The following SPEM1 variants were observed in gnomAD, a reference collection of about 807,000 sequenced individuals.
The protein encoded by SPEM1 is spermatid maturation 1.
In SPEM1, 10 loss-of-function variants were observed where a neutral mutation model predicts 9.0. The observed-to-expected ratio is 1.11, with a 90% CI of 0.68 to 1.88. The LOEUF (loss-of-function observed/expected upper bound fraction) is 1.88. Ranked by LOEUF, SPEM1 falls within the 40% of genes most tolerant of loss-of-function variation. SPEM1 has a pLI of 0.00. For synonymous variants in SPEM1, 175 were observed against 157.8 expected (o/e 1.11, Z -0.82); for missense variants, 401 against 408.6 (o/e 0.98, Z 0.16).
rs1350562771 is a variant in SPEM1 at position 7,420,670 on chromosome 17, A to G, written c.188A>G (p.Asp63Gly). 2 of 1,613,928 alleles carry G rather than the reference A, an allele frequency of 1.2e-6. No individual in the cohort carries two copies. The highest frequency in any genetic ancestry group is 2.7e-5 in the African/African-American group (2 of 74,880). The change falls in exon 2 of 3, where the codon GAT becomes GGT. Residue 63 changes from aspartate to glycine, a missense_variant. Transcript: ENST00000323675. The part of the protein sequence containing the change: ...FRGVLYQVFH[D>G]TICEKEAPKS... ...GGTGTCTTATACCAAGTGTTCCATG[A>G]TACCATTTGTGAGAAAGGTAAGAGG...
chr17:7,420,796 T>C lies in SPEM1; in HGVS notation c.206-85T>C, dbSNP rs555186178. On this transcript the variant is annotated intron_variant, in intron 2 of 2. Transcript: ENST00000323675. ...GCTCGCCCCTCTCAGACAACATAGCTGTGTGGCTGCCCTTCCTGGGCCCTG... is the reference window on the plus strand; with the variant it reads ...GCTCGCCCCTCTCAGACAACATAGCCGTGTGGCTGCCCTTCCTGGGCCCTG... The C allele has an allele frequency of 2.5e-6, 4 of 1,601,302 alleles. No individual in the cohort carries two copies. The African/African-American group carries it at 5.3e-5, about 21-fold the overall frequency.
In SPEM1 at chr17:7,421,157, AGGG is replaced by A; in HGVS notation, c.484_486del (p.Gly162del). The A allele has an allele frequency of 6.2e-7, 1 of 1,613,922 alleles. No individual in the cohort carries two copies. Among genetic ancestry groups the A allele is most frequent in the Non-Finnish European group, 8.5e-7 (1 of 1,179,900 alleles). On this transcript the variant is annotated inframe_deletion, in exon 3 of 3. Coordinates refer to ENST00000323675, the MANE Select transcript of SPEM1 (RefSeq NM_199339.3). The surrounding 1 kb of genome is among the most constrained non-coding windows in gnomAD (Gnocchi z 4.8). ...GACTGGGAAGGCTTCCAACACACTC[AGGG>A]GACCTGGGTTCCCTGGTCTCAGGAT...
intron 2 of SPEM1, 66 bp downstream of exon 2, chr17:7,420,753 T>C: frequency 6.2e-7 from 1 of 1,607,086 alleles, no homozygotes; most frequent in South Asian, 1.1e-5. Flanking sequence ...CAGCCCTAAA[T>C]TAGCCCCTTC....
In SPEM1 at chr17:7,421,136, G is replaced by T; in HGVS notation, c.461G>T (p.Trp154Leu). The T allele has an allele frequency of 6.2e-7, 1 of 1,614,062 alleles. No homozygotes were observed. Among genetic ancestry groups the T allele is most frequent in the Middle Eastern group, 1.6e-4 (1 of 6,062 alleles). Residue 154 changes from tryptophan (W) to leucine (L), a missense_variant, in exon 3 of 3, where the codon TGG (tryptophan) becomes TTG (leucine). Transcript: ENST00000323675. The surrounding 1 kb of genome is among the most constrained non-coding windows in gnomAD (Gnocchi z 4.8). ...TACCACTGGGATGTCCCTGAGGACT[G>T]GGAAGGCTTCCAACACACTCAGGGG... ...CSYHWDVPEDWEGFQHTQGTW... is the reference protein window; with the variant it reads ...CSYHWDVPEDLEGFQHTQGTW...
chr17:7,420,802 GC>G, intron 2 of SPEM1, 78 bp from the exon 3 acceptor site: 1 of 1,600,230 alleles, frequency 6.2e-7, no homozygotes, highest in Non-Finnish European at 8.5e-7. Context: ...TAGCTGTGTG[GC>G]TGCCCTTCCT....
Position 7,421,110 on chromosome 17 carries a change from C to T in SPEM1, c.435C>T (p.Ser145=), listed in dbSNP as rs1907378700. The T allele has an allele frequency of 6.2e-7, 1 of 1,614,032 alleles. No homozygotes were observed. The highest frequency in any genetic ancestry group is 2.2e-5 in the East Asian group (1 of 44,894). Residue 145 remains serine (S), a synonymous_variant, in exon 3 of 3, where the codon TCC becomes TCT. Transcript: ENST00000323675. The surrounding 1 kb of genome is among the most constrained non-coding windows in gnomAD (Gnocchi z 4.8). ...CTCATCAGTACCCAGCCATCTGCTC[C>T]TACCACTGGGATGTCCCTGAGGACT... is the stretch of plus-strand genomic sequence containing the variant. ...EKPHQYPAIC[S]YHWDVPEDWE... is the part of the protein sequence containing the mutation.
In SPEM1 at chr17:7,420,921, C is replaced by A. The variant is rs373242685; in HGVS notation, c.246C>A (p.Pro82=). The A allele has an allele frequency of 1.5e-4, 246 of 1,614,080 alleles. 2 individuals carry two copies. The African/African-American group carries it at 2.8e-3, about 18-fold the overall frequency. The part of the protein sequence containing the change: ...KSSLLRKQTQ[P]PKKQSSPAVH... ...CATTACTCAGAAAGCAGACCCAGCC[C>A]CCTAAGAAGCAGAGTTCTCCTGCAG... Residue 82 remains proline (P), a synonymous_variant, in exon 3 of 3, where the codon CCC becomes CCA. Transcript: ENST00000323675.
intron 1 of SPEM1, 45 bp from the exon 2 acceptor site, chr17:7,420,582 G>A (rs747444201): frequency 5.0e-6 from 8 of 1,613,942 alleles, no homozygotes; most frequent in South Asian, 1.1e-5. Context: ...GGGCAGGCCT[G>A]CCGGCCAGGG....
In SPEM1 at chr17:7,420,352, G is replaced by A. The variant is rs1200879248; in HGVS notation, c.-33G>A. Reference sequence around the variant, plus strand: ...GGACACTGTCGGCACGGTGGGCTGGGGGCGTAAGGGCCCCGGTGGTCCTAG... The same window carrying A: ...GGACACTGTCGGCACGGTGGGCTGGAGGCGTAAGGGCCCCGGTGGTCCTAG... On this transcript the variant is annotated 5_prime_UTR_variant, in exon 1 of 3. Transcript: ENST00000323675. 1.4e-6 allele frequency: 2 copies of A among 1,473,328 alleles called. No homozygotes were observed. The highest frequency in any genetic ancestry group is 4.9e-5 in the East Asian group (2 of 40,550). 91.3% of individuals were successfully genotyped at this position (1,473,328 alleles called of 1,614,324 possible). A position where few individuals can be genotyped will look rare whatever the true frequency, so the allele number is the denominator to read the frequency against.
Position 7,421,579 on chromosome 17 carries a change from G to C in SPEM1, c.904G>C (p.Val302Leu), listed in dbSNP as rs777425383. ...TGCCGAGGAGACAAGCAAGAATTGG[G>C]TGTACCGTTCCCTAACTGGGAGGTG... ...STAEETSKNW[V>L]YRSLTGR Residue 302 changes from valine (V) to leucine (L), a missense_variant, in exon 3 of 3, where the codon GTG becomes CTG. Transcript: ENST00000323675. The surrounding 1 kb of genome is among the most constrained non-coding windows in gnomAD (Gnocchi z 4.8). 1.3e-6 allele frequency: 2 copies of C among 1,524,774 alleles called. No homozygotes were observed. Among genetic ancestry groups the C allele is most frequent in the South Asian group, 2.5e-5 (2 of 79,008 alleles). 94.5% of individuals were successfully genotyped at this position (1,524,774 alleles called of 1,614,324 possible).
rs759542198 is a variant in SPEM1, at chr17:7,421,494, A to C, written c.819A>C (p.Glu273Asp). The C allele has an allele frequency of 9.9e-6, 16 of 1,610,488 alleles. No individual in the cohort carries two copies. The highest frequency in any genetic ancestry group is 1.4e-5 in the Non-Finnish European group (16 of 1,179,202). Residue 273 changes from glutamate to aspartate, a missense_variant, in exon 3 of 3, where the codon GAA becomes GAC. Physicochemically the swap from Glu to Asp is conservative, Grantham distance 45 (BLOSUM62 2). Coordinates refer to ENST00000323675, the MANE Select transcript of SPEM1 (RefSeq NM_199339.3). The surrounding 1 kb of genome is among the most constrained non-coding windows in gnomAD (Gnocchi z 4.8). ...GGGACATGAGACGGCGGCTTCGGGA[A>C]CTGACCCGGGAGGTGGAGGCCCTGT... ...DARDMRRRLRELTREVEALSG... is the reference protein window; with the variant it reads ...DARDMRRRLRDLTREVEALSG...
chr17:7,420,755 A>G, intron 2 of SPEM1, 68 bp downstream of exon 2: 1 of 1,605,852 alleles, frequency 6.2e-7, no homozygotes, highest in Non-Finnish European at 8.5e-7. Context: ...GCCCTAAATT[A>G]GCCCCTTCCC....
In SPEM1 at chr17:7,420,480, G is replaced by A. The variant is rs746124038; in HGVS notation, c.96G>A (p.Leu32=). 4 of 1,610,914 alleles carry A rather than the reference G, an allele frequency of 2.5e-6. No individual in the cohort carries two copies. Among genetic ancestry groups the A allele is most frequent in the Non-Finnish European group, 3.4e-6 (4 of 1,178,476 alleles). The change falls in exon 1 of 3, where the codon CTG becomes CTA. Residue 32 remains leucine, a synonymous_variant. Coordinates refer to ENST00000323675, the MANE Select transcript of SPEM1 (RefSeq NM_199339.3). The stretch of plus-strand genomic sequence containing the variant: ...ACCTGGGCAACTCTGTCCTGTTGCT[G>A]CTGGGCCTCATCATCTGCATTAACA... ...CQDLGNSVLL[L]LGLIICINIS...
At position 7,421,212 on chromosome 17, in the gene SPEM1, C is replaced by G; in HGVS notation, c.537C>G (p.Ile179Met). The G allele has an allele frequency of 6.2e-7, 1 of 1,614,098 alleles. No homozygotes were observed. The highest frequency in any genetic ancestry group is 8.5e-7 in the Non-Finnish European group (1 of 1,179,990). Residue 179 changes from isoleucine (I) to methionine (M), a missense_variant, in exon 3 of 3, where the codon ATC becomes ATG. Physicochemically the swap from Ile to Met is conservative, Grantham distance 10. Transcript: ENST00000323675. The surrounding 1 kb of genome is among the most constrained non-coding windows in gnomAD (Gnocchi z 4.8). ...QDAPESPPQT[I>M]RFQPTVEERP... ...CCCCAGAGTCCCCTCCCCAGACCAT[C>G]CGCTTCCAGCCTACCGTAGAGGAAA...
chr17:7,421,377 G>T lies in SPEM1; in HGVS notation c.702G>T (p.Gln234His). The T allele has an allele frequency of 3.1e-6, 5 of 1,610,466 alleles. No individual in the cohort carries two copies. The highest frequency in any genetic ancestry group is 3.4e-6 in the Non-Finnish European group (4 of 1,177,762). ...CGGTGCCAGAGGCAGAGGCGGCTCA[G>T]TACCAGCCTGTCCCAGCTCCCACCC... ...EGAVPEAEAA[Q>H]YQPVPAPTLG... The change falls in exon 3 of 3, where the codon CAG (glutamine) becomes CAT (histidine). Residue 234 changes from glutamine to histidine, a missense_variant. Physicochemically the swap from Gln to His is conservative, Grantham distance 24 (BLOSUM62 0). Coordinates refer to ENST00000323675, the MANE Select transcript of SPEM1 (RefSeq NM_199339.3). The surrounding 1 kb of genome is among the most constrained non-coding windows in gnomAD (Gnocchi z 4.8).
chr17:7,420,552 G>A (rs866760465), intron 1 of SPEM1, 24 bp downstream of exon 1: 1 of 1,613,630 alleles, frequency 6.2e-7, no homozygotes, highest in Non-Finnish European at 8.5e-7. Context: ...CAGATGGGAG[G>A]GAGCTGGTGG....
In SPEM1 at chr17:7,420,611, G is replaced by C; in HGVS notation, c.145-16G>C. 6.2e-7 allele frequency: 1 copy of C among 1,614,136 alleles called. No individual in the cohort carries two copies. Among genetic ancestry groups the C allele is most frequent in the Non-Finnish European group, 8.5e-7 (1 of 1,180,004 alleles). Reference sequence around the variant, plus strand: ...GCCAGGGCCTACCTGGGATCACTGTGTCTTCCCCCACCTAGCTCTGGAGCC... The same window carrying C: ...GCCAGGGCCTACCTGGGATCACTGTCTCTTCCCCCACCTAGCTCTGGAGCC... On this transcript the variant is annotated splice_polypyrimidine_tract_variant and intron_variant, in intron 1 of 2. Transcript: ENST00000323675.
Position 7,421,439 on chromosome 17 carries a change from G to A in SPEM1, c.764G>A (p.Arg255His), listed in dbSNP as rs759550542. The A allele has an allele frequency of 8.7e-6, 14 of 1,609,428 alleles. No homozygotes were observed. Among genetic ancestry groups the A allele is most frequent in the South Asian group, 4.4e-5 (4 of 90,692 alleles). ...GTCATCCCTGAATTTTCCCGGCACC[G>A]CTCCTCAGGCCGAATAGTGTATGAT... is the stretch of plus-strand genomic sequence containing the variant. Reference protein sequence around the residue: ...PAVIPEFSRHRSSGRIVYDAR... With the variant: ...PAVIPEFSRHHSSGRIVYDAR... The change falls in exon 3 of 3, where the codon CGC becomes CAC. Residue 255 changes from arginine to histidine, a missense_variant. By Grantham distance (29) the Arg-to-His change is conservative (BLOSUM62 0). Transcript: ENST00000323675. This position sits in a 1 kb window ranked among gnomAD's most constrained non-coding sequence, Gnocchi z 4.8.
In SPEM1 at chr17:7,420,991, CCG is replaced by C; in HGVS notation, c.318_319del (p.Pro108SerfsTer23). 2 of 1,614,140 alleles carry C rather than the reference CCG, an allele frequency of 1.2e-6. No homozygotes were observed. Among genetic ancestry groups the C allele is most frequent in the Non-Finnish European group, 1.7e-6 (2 of 1,180,030 alleles). On this transcript the variant is annotated frameshift_variant, in exon 3 of 3. Coordinates refer to ENST00000323675, the MANE Select transcript of SPEM1 (RefSeq NM_199339.3). LOFTEE classifies it low-confidence loss of function (END_TRUNC). ...GGACCCTGTGATGATGACTGTGTCCCCGCCCCCAGCTCACCGCCATCGCCGTC... is the reference window on the plus strand; with the variant it reads ...GGACCCTGTGATGATGACTGTGTCCCCCCCCAGCTCACCGCCATCGCCGTC... ...TMDPVMMTVS[P>X]PPAHRHRRRG...
Sources: allele counts gnomAD v4.1 joint callset, GRCh38; gene constraint gnomAD v4.1.1; non-coding constraint Gnocchi (gnomAD v3.1); transcripts MANE v1.5; gene names NCBI Gene and HGNC (gene_info 2026-07-23, HGNC 2026-07-21).